PCLO: variants seen among roughly 807,000 people sequenced by gnomAD.
The protein encoded by PCLO is protein piccolo.
PCLO carries 82 observed loss-of-function variants against 427.5 expected under a neutral mutation model. That is an observed-to-expected ratio of 0.19 (90% confidence interval 0.16 to 0.23). The LOEUF is 0.23. PCLO is among the 10% of genes least tolerant of loss of function. The pLI is 1.00. For missense variants in PCLO, 6,239 were observed against 6,115.9 expected, an observed-to-expected ratio of 1.02 and a Z score of -0.67; for synonymous variants, 2,357 against 2,155.4, an observed-to-expected ratio of 1.09 and a Z score of -2.59.
intron 10 of PCLO, among the ~76,000 whole-genome samples, chr7:82,866,457 G>T (rs1313491613): frequency 6.6e-6 from 1 of 151,780 alleles, no homozygotes; most frequent in African/African-American, 2.4e-5. Flanking sequence ...TCCAAGAAGA[G>T]AAATTACTTT....
intron 20 of PCLO, among the ~76,000 whole-genome samples, chr7:82,813,716 A>G (rs573566640): frequency 3.2e-4 from 49 of 151,944 alleles, no homozygotes; most frequent in African/African-American, 8.9e-4. Flanking sequence ...ACTAAAAATA[A>G]TATCAGCAAA....
chr7:83,076,377 C>G (rs1789952288), intron 3 of PCLO, among the ~76,000 whole-genome samples: 2 of 151,966 alleles, frequency 1.3e-5, no homozygotes, highest in South Asian at 4.1e-4. Context: ...ATTCTCCTGC[C>G]TCAGCCTCCC....
intron 13 of PCLO, among the ~76,000 whole-genome samples, chr7:82,843,302 C>T (rs1792414174): frequency 6.6e-6 from 1 of 152,038 alleles, no homozygotes; most frequent in African/African-American, 2.4e-5. Context: ...AATTCATGCA[C>T]AGAGAGATAA....
chr7:83,068,884 T>C (rs1789737241), intron 3 of PCLO, among the ~76,000 whole-genome samples: 2 of 152,218 alleles, frequency 1.3e-5, no homozygotes, highest in South Asian at 4.1e-4. Flanking sequence ...AAGTATTTAC[T>C]GATGGATGAC....
intron 3 of PCLO, among the ~76,000 whole-genome samples, chr7:82,995,403 G>C (rs1796473272): frequency 6.6e-6 from 1 of 151,946 alleles, no homozygotes; most frequent in Admixed American, 6.6e-5. Flanking sequence ...GTGTCCGCTG[G>C]ATTGAAATTC....
intron 3 of PCLO, among the ~76,000 whole-genome samples, chr7:82,998,860 A>G (rs1239963694): frequency 6.6e-6 from 1 of 151,904 alleles, no homozygotes; most frequent in African/African-American, 2.4e-5. Flanking sequence ...CAGGCATGGC[A>G]GAATGTTGCA....
intron 3 of PCLO, among the ~76,000 whole-genome samples, chr7:83,015,703 C>T (rs569993283): frequency 3.3e-4 from 50 of 152,168 alleles, no homozygotes; most frequent in Middle Eastern, 6.8e-3. Context: ...TTTGAAGTAG[C>T]TAAATGACAT....
rs776381412 is a variant in PCLO, at chr7:82,949,636, A to G, written c.10952T>C (p.Ile3651Thr). Reference sequence around the variant, plus strand: ...TGGATGCAGTACTTTCTGTGGACTTATATCATCAGGGAGGGGTTTTTCATA... The same window carrying G: ...TGGATGCAGTACTTTCTGTGGACTTGTATCATCAGGGAGGGGTTTTTCATA... ...VPYEKPLPDD[I>T]SPQKVLHPDM... The change falls in exon 6 of 25, where the codon ATA becomes ACA. Residue 3651 changes from isoleucine (I) to threonine (T), a missense_variant. This residue lies in a region of PCLO where 4,677 missense variants were observed against 4,468.4 expected (regional missense o/e 1.05). Transcript: ENST00000333891. 7 of 1,613,714 alleles carry G rather than the reference A, an allele frequency of 4.3e-6. No homozygotes were observed. Among genetic ancestry groups the G allele is most frequent in the South Asian group, 2.2e-5 (2 of 91,082 alleles).
intron 10 of PCLO, among the ~76,000 whole-genome samples, chr7:82,878,988 T>C (rs1162675857): frequency 1.3e-5 from 2 of 152,206 alleles, no homozygotes; most frequent in African/African-American, 4.8e-5. Flanking sequence ...TTGATTTTTT[T>C]TGTAGCTCTA....
rs184318452 is a variant in PCLO, at chr7:82,789,441, C to T, written c.15007+12077G>A. ...CAAAATGTGGCCAGGCACAGTGGCT[C>T]ATGCCTCTAATCCCAGCATTTTGGG... On this transcript the variant is annotated intron_variant, in intron 22 of 24. Transcript: ENST00000333891. Among the ~76,000 whole-genome samples the T allele has an allele frequency of 3.1e-4, 47 of 152,314 alleles. No homozygotes were observed. In the East Asian group the frequency reaches 3.9e-3, roughly 13 times the overall value.
intron 9 of PCLO, among the ~76,000 whole-genome samples, chr7:82,886,232 T>A (rs1389299816): frequency 6.6e-6 from 1 of 152,212 alleles, no homozygotes; most frequent in Non-Finnish European, 1.5e-5. Flanking sequence ...TTTGTCAGTA[T>A]AATCTCCATT....
At chr7:83,129,577 C>A (rs1791520145) in intron 3 of PCLO, among the ~76,000 whole-genome samples, 1 of 152,090 alleles carries the variant, frequency 6.6e-6, no homozygotes, top group African/African-American at 2.4e-5. Context: ...TTCCAAGGTC[C>A]TCATCCCTTG....
intron 22 of PCLO, among the ~76,000 whole-genome samples, chr7:82,767,279 G>A (rs924279521): frequency 2.0e-5 from 3 of 151,988 alleles, no homozygotes; most frequent in African/African-American, 7.3e-5. Flanking sequence ...ATGCTTCTTT[G>A]GTCGTATTAA....
At chr7:82,920,160 T>C (rs750065241) in intron 6 of PCLO, among the ~76,000 whole-genome samples, 7 of 151,878 alleles carry the variant, frequency 4.6e-5, no homozygotes, top group Non-Finnish European at 7.4e-5. Flanking sequence ...TATTTAATTC[T>C]AATTAAATCA....
At chr7:82,890,568 T>C (rs886851933) in intron 9 of PCLO, among the ~76,000 whole-genome samples, 1 of 151,992 alleles carries the variant, frequency 6.6e-6, no homozygotes, top group Non-Finnish European at 1.5e-5. Context: ...TAAAATAGAT[T>C]TAACGTTATA....
chr7:82,915,485 A>C lies in PCLO; in HGVS notation c.12501T>G (p.Ser4167Arg). Residue 4167 changes from serine to arginine, a missense_variant, in exon 7 of 25, where the codon AGT (serine) becomes AGG (arginine). Physicochemically the swap from Ser to Arg is moderately radical, Grantham distance 110. Coordinates refer to ENST00000333891, the MANE Select transcript of PCLO (RefSeq NM_033026.6). ...HFPKSEKYSI[S>R]RLTLEKQAAK... ...CTGCTTGTTTTTCAAGTGTGAGTCT[A>C]CTGATGCTATACTTCTCAGATTTTG... The C allele has an allele frequency of 6.2e-7, 1 of 1,613,638 alleles. No individual in the cohort carries two copies. Among genetic ancestry groups the C allele is most frequent in the Non-Finnish European group, 8.5e-7 (1 of 1,179,644 alleles).
intron 3 of PCLO, among the ~76,000 whole-genome samples, chr7:82,973,115 A>G (rs1204863727): frequency 6.6e-6 from 1 of 151,984 alleles, no homozygotes; most frequent in African/African-American, 2.4e-5. Context: ...AGACTACACA[A>G]TCGATTGTTC....
At chr7:82,789,117 C>T (rs1362952801) in intron 22 of PCLO, among the ~76,000 whole-genome samples, 1 of 151,944 alleles carries the variant, frequency 6.6e-6, no homozygotes, top group East Asian at 1.9e-4. Context: ...AGACAAATCT[C>T]AATCTGAGAC....
intron 3 of PCLO, among the ~76,000 whole-genome samples, chr7:83,131,278 A>G (rs1791565052): frequency 6.6e-6 from 1 of 152,186 alleles, no homozygotes; most frequent in Admixed American, 6.5e-5. Context: ...GTTAAACAGT[A>G]AGGCTTAGGT....
Sources: gnomAD v4.1 joint callset for allele counts (sites outside exome capture counted in the v4.1 genomes callset) on GRCh38, gnomAD v4.1.1 for gene constraint, gnomAD v4.1.1 regional missense constraint, MANE v1.5 for transcripts, NCBI Gene and HGNC (gene_info 2026-07-23, HGNC 2026-07-21) for gene names.